CCDC110: variants seen among roughly 807,000 people sequenced by gnomAD.
CCDC110 encodes the protein coiled-coil domain containing 110, also known as coiled-coil domain-containing protein 110.
CCDC110 carries 70 observed loss-of-function variants against 77.1 expected under a neutral mutation model. The ratio of observed to expected loss-of-function variants is 0.91; its 90% CI spans 0.75 to 1.11. The LOEUF is 1.11. CCDC110 is among the 50% of genes least tolerant of loss of function. The pLI is 0.00. For synonymous variants in CCDC110, 295 were observed against 312.5 expected, an observed-to-expected ratio of 0.94 and a Z score of 0.59; for missense variants, 868 against 942.9, an observed-to-expected ratio of 0.92 and a Z score of 1.04.
At position 185,471,020 on chromosome 4, in the gene CCDC110, C is replaced by T. The variant is rs998491903; in HGVS notation, c.40G>A (p.Asp14Asn). ...TTGGACGCTGAAAGGAGAACGGAGT[C>T]AACTTCATCCTCTTCCCGGTGCTGC... is the stretch of plus-strand genomic sequence containing the variant. The part of the protein sequence containing the change: ...EKQHREEDEV[D>N]SVLLSASKIL... Residue 14 changes from aspartate (D) to asparagine (N), a missense_variant, in exon 2 of 7, where the codon GAC becomes AAC. Physicochemically the swap from Asp to Asn is conservative, Grantham distance 23. Coordinates refer to ENST00000307588, the MANE Select transcript of CCDC110 (RefSeq NM_152775.4). 1.3e-6 allele frequency: 2 copies of T among 1,590,842 alleles called. No homozygotes were observed. Among genetic ancestry groups the T allele is most frequent in the African/African-American group, 2.9e-5 (2 of 68,934 alleles).
chr4:185,450,575 T>C lies in CCDC110; in HGVS notation c.2462-5033A>G, dbSNP rs929072533. 3.3e-5 allele frequency among the ~76,000 whole-genome samples: 5 copies of C among 152,028 alleles called. No individual in the cohort carries two copies. The East Asian group carries it at 9.7e-4, about 29-fold the overall frequency. On this transcript the variant is annotated intron_variant, in intron 6 of 6. Transcript: ENST00000307588. ...CAGCCTGCCCAACATAGTGAAACCC[T>C]GTCTCTACTAACAATACAAAAATTA...
chr4:185,453,812 TA>T (rs1403215021), intron 6 of CCDC110, among the ~76,000 whole-genome samples: 7 of 105,496 alleles, frequency 6.6e-5, no homozygotes, highest in African/African-American at 2.2e-4. Flanking sequence ...TTCTCGTTGC[TA>T]TTTTTTTTTT....
At chr4:185,454,137 T>G (rs919557176) in intron 6 of CCDC110, among the ~76,000 whole-genome samples, 2 of 151,972 alleles carry the variant, frequency 1.3e-5, no homozygotes, top group Non-Finnish European at 2.9e-5. Flanking sequence ...ATTTAACAGT[T>G]ACATTAGTCA....
At chr4:185,463,348 C>T (rs1300023191) in intron 2 of CCDC110, among the ~76,000 whole-genome samples, 1 of 152,140 alleles carries the variant, frequency 6.6e-6, no homozygotes, top group East Asian at 1.9e-4. Flanking sequence ...ATATAAACTG[C>T]ATTCAAAAAA....
chr4:185,468,335 G>A lies in CCDC110; in HGVS notation c.115+2610C>T, dbSNP rs1317736409. Among the ~76,000 whole-genome samples the A allele has an allele frequency of 6.6e-6, 1 of 152,204 alleles. No individual in the cohort carries two copies. Among genetic ancestry groups the A allele is most frequent in the African/African-American group, 2.4e-5 (1 of 41,456 alleles). On this transcript the variant is annotated intron_variant, in intron 2 of 6. Coordinates refer to ENST00000307588, the MANE Select transcript of CCDC110 (RefSeq NM_152775.4). The surrounding 1 kb of genome is among the most constrained non-coding windows in gnomAD (Gnocchi z 4.5). ...ACGAGGTGTACGGCACATAGTGAAT[G>A]CTCAAGAGACACTAACTCATTACTG...
chr4:185,457,694 A>G, intron 6 of CCDC110: 1 of 953,882 alleles, frequency 1.0e-6, no homozygotes, highest in South Asian at 2.2e-5. Context: ...TAATGTAATC[A>G]CATAATTTAA....
chr4:185,462,581 C>A (rs759189117), intron 4 of CCDC110, 62 bp downstream of exon 4: 14 of 1,290,312 alleles, frequency 1.1e-5, no homozygotes, highest in Non-Finnish European at 1.5e-5. Flanking sequence ...TGACCATCAG[C>A]TTAGAAGATG....
At position 185,458,223 on chromosome 4, in the gene CCDC110, TGTTTTTGAA is replaced by T; in HGVS notation, c.2355_2363del (p.Ser786_Thr788del). The stretch of plus-strand genomic sequence containing the variant: ...ATTTCTCTCTTCTTGAAATGTAAGT[TGTTTTTGAA>T]GGGTCATTATGCTGATTACAAATTT... On this transcript the variant is annotated inframe_deletion, in exon 6 of 7. Transcript: ENST00000307588. 2 of 1,605,752 alleles carry T rather than the reference TGTTTTTGAA, an allele frequency of 1.2e-6. No homozygotes were observed. The highest frequency in any genetic ancestry group is 1.7e-6 in the Non-Finnish European group (2 of 1,177,714).
intron 6 of CCDC110, among the ~76,000 whole-genome samples, chr4:185,446,658 T>C (rs779041647): frequency 6.6e-6 from 1 of 152,226 alleles, no homozygotes; most frequent in Non-Finnish European, 1.5e-5. Context: ...CAAAAAATGA[T>C]TTTACATAAG....
intron 2 of CCDC110, among the ~76,000 whole-genome samples, chr4:185,469,079 G>C (rs1580204382): frequency 6.6e-6 from 1 of 152,204 alleles, no homozygotes; most frequent in African/African-American, 2.4e-5. Flanking sequence ...GGGTTAATTA[G>C]GTTAACCACT....
chr4:185,447,432 G>A (rs1275228306), intron 6 of CCDC110, among the ~76,000 whole-genome samples: 5 of 151,884 alleles, frequency 3.3e-5, no homozygotes, highest in South Asian at 4.2e-4. Flanking sequence ...CACCCACCTT[G>A]GCCTCCCAAA....
Position 185,468,164 on chromosome 4 carries a change from GA to G in CCDC110, c.115+2780del, listed in dbSNP as rs2095659517. On this transcript the variant is annotated intron_variant, in intron 2 of 6. Transcript: ENST00000307588. This position sits in a 1 kb window ranked among gnomAD's most constrained non-coding sequence, Gnocchi z 4.5. Reference sequence around the variant, plus strand: ...TTGTGAGGTGTGGCACCCTCTGCATGAGGCTTTGTCACAGTCATTATGCAAG... The same window carrying G: ...TTGTGAGGTGTGGCACCCTCTGCATGGGCTTTGTCACAGTCATTATGCAAG... Among the ~76,000 whole-genome samples, 1 of 152,204 alleles carries G rather than the reference GA, an allele frequency of 6.6e-6. No homozygotes were observed. Among genetic ancestry groups the G allele is most frequent in the Admixed American group, 6.5e-5 (1 of 15,286 alleles).
rs546420751 is a variant in CCDC110, at chr4:185,464,492, C to T, written c.116-1443G>A. Among the ~76,000 whole-genome samples the T allele has an allele frequency of 1.1e-4, 16 of 152,240 alleles. No homozygotes were observed. The South Asian group carries it at 3.3e-3, about 32-fold the overall frequency. ...TGGGAATAAAATGGCAGCTAAACTC[C>T]TGGTATCCTGAACTGTTCATCTAAA... On this transcript the variant is annotated intron_variant, in intron 2 of 6. Coordinates refer to ENST00000307588, the MANE Select transcript of CCDC110 (RefSeq NM_152775.4).
intron 4 of CCDC110, among the ~76,000 whole-genome samples, chr4:185,462,087 A>T (rs1220210942): frequency 6.6e-6 from 1 of 152,160 alleles, no homozygotes; most frequent in Admixed American, 6.5e-5. Context: ...GACAAAAATG[A>T]AACTCCTTCT....
At position 185,445,399 on chromosome 4, in the gene CCDC110, AT is replaced by A. The variant is rs1377001739; in HGVS notation, c.*102del. On this transcript the variant is annotated 3_prime_UTR_variant, in exon 7 of 7. Transcript: ENST00000307588. ...TTTTAAAGCAAATATATAGCGCCTC[AT>A]TATGAGTCATTTGAGATGAGTTAGA... is the stretch of plus-strand genomic sequence containing the variant. 1.1e-6 allele frequency: 1 copy of A among 880,278 alleles called. No individual in the cohort carries two copies. The highest frequency in any genetic ancestry group is 1.7e-5 in the African/African-American group (1 of 59,190). The allele number at this position is 880,278 out of a possible 1,614,324, so 54.5% of individuals were successfully genotyped here. A position where few individuals can be genotyped will look rare whatever the true frequency, so the allele number is the denominator to read the frequency against.
rs1409181170 is a variant in CCDC110 at position 185,468,291 on chromosome 4, A to G, written c.115+2654T>C. On this transcript the variant is annotated intron_variant, in intron 2 of 6. Coordinates refer to ENST00000307588, the MANE Select transcript of CCDC110 (RefSeq NM_152775.4). This position sits in a 1 kb window ranked among gnomAD's most constrained non-coding sequence, Gnocchi z 4.5. ...CTAGGCGAGTGTCCAGTTTGTAGAT[A>G]AAGCCCTTACTGAGGTGTACGAGGT... 1.3e-5 allele frequency among the ~76,000 whole-genome samples: 2 copies of G among 152,228 alleles called. No homozygotes were observed. The highest frequency in any genetic ancestry group is 2.9e-5 in the Non-Finnish European group (2 of 68,044).
chr4:185,467,135 CT>C lies in CCDC110; in HGVS notation c.115+3809del, dbSNP rs561086341. 7.4e-4 allele frequency among the ~76,000 whole-genome samples: 112 copies of C among 152,238 alleles called. 1 individual carries two copies. The highest frequency in any genetic ancestry group is 2.7e-3 in the African/African-American group (112 of 41,558). Reference sequence around the variant, plus strand: ...TGCAGAGGATTTGAAGAAGAATTTTCTGTGGAAATAAAGTAAGTTTTCCCAA... The same window carrying C: ...TGCAGAGGATTTGAAGAAGAATTTTCGTGGAAATAAAGTAAGTTTTCCCAA... On this transcript the variant is annotated intron_variant, in intron 2 of 6. Coordinates refer to ENST00000307588, the MANE Select transcript of CCDC110 (RefSeq NM_152775.4).
chr4:185,462,583 T>G, intron 4 of CCDC110, 60 bp downstream of exon 4: 1 of 1,311,608 alleles, frequency 7.6e-7, no homozygotes, highest in South Asian at 1.2e-5. Flanking sequence ...ACCATCAGCT[T>G]AGAAGATGGG....
chr4:185,447,706 C>T (rs1242727470), intron 6 of CCDC110, among the ~76,000 whole-genome samples: 1 of 152,078 alleles, frequency 6.6e-6, no homozygotes, highest in Non-Finnish European at 1.5e-5. Context: ...AATTCAATTT[C>T]AGTAATATAG....
Sources: allele counts gnomAD v4.1 joint callset (sites outside exome capture counted in the v4.1 genomes callset), GRCh38; gene constraint gnomAD v4.1.1; non-coding constraint Gnocchi (gnomAD v3.1); transcripts MANE v1.5; gene names NCBI Gene and HGNC (gene_info 2026-07-23, HGNC 2026-07-21).